Variants in SH3KBP1 observed in about 807,000 individuals in gnomAD.
SH3KBP1 encodes SH3 domain-containing kinase-binding protein 1.
In SH3KBP1, 8 loss-of-function variants were observed where a neutral mutation model predicts 50.1. The ratio of observed to expected loss-of-function variants is 0.16; its 90% CI spans 0.09 to 0.29. SH3KBP1 has a LOEUF of 0.29. Among genes scored for constraint, SH3KBP1 ranks in the 10% least tolerant of loss-of-function variants. The pLI, the probability that SH3KBP1 is intolerant of heterozygous loss-of-function variation, is 1.00. For missense variants in SH3KBP1, 377 were observed against 535.2 expected, an observed-to-expected ratio of 0.70 and a Z score of 2.92; for synonymous variants, 227 against 218.6, an observed-to-expected ratio of 1.04 and a Z score of -0.34.
intron 2 of SH3KBP1, among the ~76,000 whole-genome samples, chrX:19,755,945 C>T (rs1321515467): frequency 1.8e-5 from 2 of 111,560 alleles, no homozygotes; most frequent in African/African-American, 6.5e-5. Flanking sequence ...CACGCAGACC[C>T]CCTTAGAGTT....
rs185419243 is a variant in SH3KBP1, at chrX:19,856,558, T to C, written c.5-20276A>G. On this transcript the variant is annotated intron_variant, in intron 1 of 17. Coordinates refer to ENST00000397821, the MANE Select transcript of SH3KBP1 (RefSeq NM_031892.3). ...TCGGTGCAGGCGGCACAGGCTATGC[T>C]GACCCAGGTCACCCAAGTCACCCTC... is the stretch of plus-strand genomic sequence containing the variant. Among the ~76,000 whole-genome samples the C allele has an allele frequency of 8.9e-5, 10 of 111,893 alleles. No individual in the cohort carries two copies. In the East Asian group the frequency reaches 2.8e-3, roughly 31 times the overall value.
intron 2 of SH3KBP1, among the ~76,000 whole-genome samples, chrX:19,798,665 A>G (rs1326282261): frequency 8.9e-6 from 1 of 111,895 alleles, no homozygotes; most frequent in Non-Finnish European, 1.9e-5. Context: ...GGGGCTACAT[A>G]CTTAAGCAAG....
chrX:19,631,979 A>G (rs1701107126), intron 7 of SH3KBP1, 21 bp from the exon 8 acceptor site: 1 of 1,031,817 alleles, frequency 9.7e-7, no homozygotes. Flanking sequence ...AACAGAAAAC[A>G]TAACCTTTAA....
intron 4 of SH3KBP1, among the ~76,000 whole-genome samples, chrX:19,696,651 C>T (rs767105883): frequency 1.8e-5 from 2 of 110,986 alleles, no homozygotes; most frequent in East Asian, 2.8e-4. Flanking sequence ...GTGACAGAAG[C>T]GTAAAAAAAT....
chrX:19,628,793 T>C (rs2061511804), intron 8 of SH3KBP1, among the ~76,000 whole-genome samples: 1 of 111,663 alleles, frequency 9.0e-6, no homozygotes, highest in African/African-American at 3.3e-5. Context: ...CCCAGCAAAC[T>C]GGAAGCCGGG....
intron 12 of SH3KBP1, among the ~76,000 whole-genome samples, chrX:19,584,761 G>T (rs1314687396): frequency 1.8e-5 from 2 of 112,203 alleles, no homozygotes; most frequent in Non-Finnish European, 3.8e-5. Context: ...ACTCTCCTCT[G>T]AAAGCCGCAC....
At chrX:19,732,805 A>T (rs1199434845) in intron 3 of SH3KBP1, among the ~76,000 whole-genome samples, 1 of 112,162 alleles carries the variant, frequency 8.9e-6, no homozygotes, top group Admixed American at 9.5e-5. Context: ...GTGTTCCACA[A>T]GGGCTATTGT....
At chrX:19,800,832 T>A (rs1464092927) in intron 2 of SH3KBP1, among the ~76,000 whole-genome samples, 9 of 112,081 alleles carry the variant, frequency 8.0e-5, no homozygotes, top group Non-Finnish European at 1.7e-4. Context: ...GGGATTGGTC[T>A]GCCTTCCCCC....
chrX:19,855,675 ACCTGGCTCAGTGCTACACATAC>A (rs2068625217), intron 1 of SH3KBP1, among the ~76,000 whole-genome samples: 4 of 111,093 alleles, frequency 3.6e-5, no homozygotes, highest in African/African-American at 1.3e-4. Flanking sequence ...CATAGCCTCT[ACCTGGCTCAGTGCTACACATAC>A]AAGAAATACA....
At chrX:19,820,563 T>C (rs996432111) in intron 2 of SH3KBP1, among the ~76,000 whole-genome samples, 7 of 111,988 alleles carry the variant, frequency 6.3e-5, no homozygotes, top group Admixed American at 5.7e-4. Flanking sequence ...GTATGTATTT[T>C]CCAACTTTTA....
At chrX:19,771,621 TG>T (rs916698147) in intron 2 of SH3KBP1, among the ~76,000 whole-genome samples, 188 of 111,690 alleles carry the variant, frequency 1.7e-3, no homozygotes, top group African/African-American at 6.0e-3. Flanking sequence ...TCCAGCACTT[TG>T]GGGGGCCAAA....
intron 5 of SH3KBP1, among the ~76,000 whole-genome samples, chrX:19,687,291 G>C (rs2063188410): frequency 8.9e-6 from 1 of 112,603 alleles, no homozygotes; most frequent in South Asian, 3.6e-4. Context: ...CACCACCCCA[G>C]AAGCCCAGAG....
intron 5 of SH3KBP1, among the ~76,000 whole-genome samples, chrX:19,684,661 G>A (rs1295340894): frequency 1.8e-5 from 2 of 112,079 alleles, no homozygotes; most frequent in Non-Finnish European, 3.8e-5. Context: ...CTAGCAAGAC[G>A]ATCATGTTTG....
chrX:19,771,969 A>C (rs1339688965), intron 2 of SH3KBP1, among the ~76,000 whole-genome samples: 3 of 110,800 alleles, frequency 2.7e-5, no homozygotes, highest in Non-Finnish European at 3.8e-5. Flanking sequence ...ATATGATTCC[A>C]TTTTTGTAGA....
intron 8 of SH3KBP1, among the ~76,000 whole-genome samples, chrX:19,608,600 C>T (rs999775031): frequency 8.9e-6 from 1 of 112,067 alleles, no homozygotes; most frequent in African/African-American, 3.2e-5. Flanking sequence ...TGGGCCACTG[C>T]GCCCAGCCTT....
chrX:19,572,620 C>T (rs1038206493), intron 12 of SH3KBP1, among the ~76,000 whole-genome samples: 1 of 109,515 alleles, frequency 9.1e-6, no homozygotes, highest in Non-Finnish European at 1.9e-5. Flanking sequence ...AGTGCAGTGG[C>T]GTGATCTCGG....
At chrX:19,679,075 C>T (rs951808317) in intron 6 of SH3KBP1, among the ~76,000 whole-genome samples, 3 of 111,625 alleles carry the variant, frequency 2.7e-5, no homozygotes, top group African/African-American at 9.8e-5. Context: ...TCAGCCTAAA[C>T]ATCACTTCCT....
intron 1 of SH3KBP1, among the ~76,000 whole-genome samples, chrX:19,861,282 C>G (rs898920960): frequency 1.8e-5 from 2 of 109,428 alleles, no homozygotes; most frequent in Non-Finnish European, 3.8e-5. Flanking sequence ...GAGGCTGAGG[C>G]AGAAGAATGG....
intron 8 of SH3KBP1, among the ~76,000 whole-genome samples, chrX:19,616,739 T>A (rs757201977): frequency 4.5e-5 from 5 of 111,381 alleles, no homozygotes; most frequent in African/African-American, 1.6e-4. Context: ...TTAGGCTTTG[T>A]TACAATGGGT....
Sources: gnomAD v4.1 joint callset for allele counts (sites outside exome capture counted in the v4.1 genomes callset) on GRCh38, gnomAD v4.1.1 for gene constraint, MANE v1.5 for transcripts, NCBI Gene and HGNC (gene_info 2026-07-23, HGNC 2026-07-21) for gene names.